Variants in KIAA1328 observed in about 807,000 individuals in gnomAD.
KIAA1328 encodes KIAA1328.
A neutral mutation model predicts 68.1 loss-of-function variants in KIAA1328; 52 were observed. The observed-to-expected ratio is 0.76, with a 90% confidence interval of 0.61 to 0.96. The LOEUF (loss-of-function observed/expected upper bound fraction) is 0.96. KIAA1328 is among the 40% of genes least tolerant of loss of function. The pLI is 0.00. For synonymous variants in KIAA1328, 232 were observed against 239.4 expected (o/e 0.97, Z 0.28); for missense variants, 641 against 677.6 (o/e 0.95, Z 0.60).
intron 7 of KIAA1328, among the ~76,000 whole-genome samples, chr18:37,095,440 G>A (rs139202693): frequency 1.3e-5 from 2 of 152,154 alleles, no homozygotes; most frequent in Admixed American, 6.6e-5. Context: ...ATAAAAAAAT[G>A]TACATATGTA....
chr18:36,864,475 G>A (rs1040141824), intron 4 of KIAA1328, among the ~76,000 whole-genome samples: 1 of 151,380 alleles, frequency 6.6e-6, no homozygotes, highest in Non-Finnish European at 1.5e-5. Context: ...CTAATTTTTT[G>A]TATTTTTAGT....
chr18:37,052,733 A>G (rs1002864809), intron 6 of KIAA1328, among the ~76,000 whole-genome samples: 11 of 152,178 alleles, frequency 7.2e-5, no homozygotes, highest in Admixed American at 1.3e-4. Flanking sequence ...CAAGAACTCA[A>G]TGCCATTTAC....
At chr18:36,898,841 G>A (rs746762512) in intron 5 of KIAA1328, among the ~76,000 whole-genome samples, 1 of 151,862 alleles carries the variant, frequency 6.6e-6, no homozygotes. Context: ...TTTGTATGTT[G>A]ATTTTATATC....
Position 37,100,800 on chromosome 18 carries a change from C to G in KIAA1328, c.1232+33255C>G, listed in dbSNP as rs201772148. 1.6e-4 allele frequency among the ~76,000 whole-genome samples: 25 copies of G among 152,264 alleles called. 1 individual carries two copies. The East Asian group carries it at 4.8e-3, about 29-fold the overall frequency. On this transcript the variant is annotated intron_variant, in intron 7 of 9. Transcript: ENST00000280020. Reference sequence around the variant, plus strand: ...GGGGCAGACCGACACCTCACACGGCCAGGTACTCCTCTGAGACAAAACTTC... The same window carrying G: ...GGGGCAGACCGACACCTCACACGGCGAGGTACTCCTCTGAGACAAAACTTC...
intron 4 of KIAA1328, among the ~76,000 whole-genome samples, chr18:36,845,625 C>T (rs1378612763): frequency 1.3e-5 from 2 of 151,454 alleles, no homozygotes; most frequent in East Asian, 1.9e-4. Flanking sequence ...ACTCTAATAC[C>T]TCAATATTAA....
At chr18:36,865,962 G>A (rs762133460) in intron 4 of KIAA1328, among the ~76,000 whole-genome samples, 4 of 152,096 alleles carry the variant, frequency 2.6e-5, no homozygotes, top group Non-Finnish European at 4.4e-5. Context: ...ACATCAGACT[G>A]CCCGTTTTTG....
At chr18:37,166,272 G>A (rs1042700590) in intron 8 of KIAA1328, among the ~76,000 whole-genome samples, 2 of 152,128 alleles carry the variant, frequency 1.3e-5, no homozygotes, top group African/African-American at 4.8e-5. Flanking sequence ...CCAGGAGAAA[G>A]GCTACTGAAG....
chr18:37,086,117 T>A (rs961164613), intron 7 of KIAA1328, among the ~76,000 whole-genome samples: 15 of 152,322 alleles, frequency 9.8e-5, no homozygotes, highest in African/African-American at 2.9e-4. Flanking sequence ...GCTCAAAGAC[T>A]GCAAAGTTTC....
intron 5 of KIAA1328, among the ~76,000 whole-genome samples, chr18:36,953,305 A>G (rs2051243563): frequency 6.8e-6 from 1 of 147,456 alleles, no homozygotes; most frequent in Non-Finnish European, 1.5e-5. Flanking sequence ...TTTATTATAT[A>G]CAAATATTTA....
intron 4 of KIAA1328, among the ~76,000 whole-genome samples, chr18:36,880,229 C>T (rs773374987): frequency 1.3e-5 from 2 of 152,204 alleles, no homozygotes; most frequent in Admixed American, 6.5e-5. Flanking sequence ...CTGGGTCAGA[C>T]AGCACCATCC....
At position 37,120,180 on chromosome 18, in the gene KIAA1328, T is replaced by TA. The variant is rs200822694; in HGVS notation, c.1233-40011dup. On this transcript the variant is annotated intron_variant, in intron 7 of 9. Transcript: ENST00000280020. Reference sequence around the variant, plus strand: ...AATCAGAGGCAGGGGAAGCATAGATTAAAAAAAAATTCATCTTGATTTTAC... The same window carrying TA: ...AATCAGAGGCAGGGGAAGCATAGATTAAAAAAAAAATTCATCTTGATTTTAC... Among the ~76,000 whole-genome samples, 11 of 151,644 alleles carry TA rather than the reference T, an allele frequency of 7.3e-5. No individual in the cohort carries two copies. In the South Asian group the frequency reaches 1.0e-3, roughly 14 times the overall value.
chr18:36,942,012 AC>A (rs1342252559), intron 5 of KIAA1328, among the ~76,000 whole-genome samples: 2 of 152,248 alleles, frequency 1.3e-5, no homozygotes. Context: ...TAAATATGGT[AC>A]TTTGCCTTGA....
intron 6 of KIAA1328, among the ~76,000 whole-genome samples, chr18:37,004,001 G>A (rs1568279452): frequency 6.6e-6 from 1 of 152,092 alleles, no homozygotes; most frequent in Non-Finnish European, 1.5e-5. Context: ...CTATAGTATA[G>A]TTTGAATTCA....
intron 5 of KIAA1328, among the ~76,000 whole-genome samples, chr18:36,937,254 A>G (rs1012283065): frequency 4.6e-5 from 7 of 152,272 alleles, no homozygotes; most frequent in East Asian, 3.9e-4. Context: ...AACCATAAAA[A>G]CCCTAGAAGA....
intron 9 of KIAA1328, among the ~76,000 whole-genome samples, chr18:37,200,267 G>A (rs759664965): frequency 6.6e-5 from 10 of 152,308 alleles, no homozygotes; most frequent in South Asian, 2.1e-4. Flanking sequence ...AACAATGAGC[G>A]GGCTGATACA....
At chr18:37,184,381 G>A (rs2059754963) in intron 9 of KIAA1328, among the ~76,000 whole-genome samples, 1 of 152,224 alleles carries the variant, frequency 6.6e-6, no homozygotes, top group Non-Finnish European at 1.5e-5. Flanking sequence ...TGTTTGCACT[G>A]GGAGTTAATT....
chr18:37,028,100 G>GA (rs1451746359), intron 6 of KIAA1328, among the ~76,000 whole-genome samples: 1 of 152,120 alleles, frequency 6.6e-6, no homozygotes, highest in Non-Finnish European at 1.5e-5. Context: ...ACAGACACAT[G>GA]AAAAAATGCC....
intron 6 of KIAA1328, among the ~76,000 whole-genome samples, chr18:37,049,938 G>C (rs2055623662): frequency 6.6e-6 from 1 of 152,130 alleles, no homozygotes; most frequent in Non-Finnish European, 1.5e-5. Context: ...TATAAACTCT[G>C]ATCTCCCCTG....
In KIAA1328 at chr18:37,145,617, A is replaced by G. The variant is rs533400213; in HGVS notation, c.1233-14583A>G. On this transcript the variant is annotated intron_variant, in intron 7 of 9. Coordinates refer to ENST00000280020, the MANE Select transcript of KIAA1328 (RefSeq NM_020776.3). ...CCTTCAGATTTATCAGTTTTATGAC[A>G]TGTATTTTGAAGCATTGTTCTAGAT... Among the ~76,000 whole-genome samples the G allele has an allele frequency of 4.0e-3, 602 of 152,288 alleles. 4 individuals carry two copies. The highest frequency in any genetic ancestry group is 0.014 in the African/African-American group (571 of 41,554).
Sources: gnomAD v4.1 joint callset for allele counts (sites outside exome capture counted in the v4.1 genomes callset) on GRCh38, gnomAD v4.1.1 for gene constraint, MANE v1.5 for transcripts, NCBI Gene and HGNC (gene_info 2026-07-23, HGNC 2026-07-21) for gene names.